Variants in ANTXR1 observed in about 807,000 individuals in gnomAD.
The protein encoded by ANTXR1 is ANTXR cell adhesion molecule 1.
In ANTXR1, 19 loss-of-function variants were observed where a neutral mutation model predicts 78.1. The ratio of observed to expected loss-of-function variants is 0.24; its 90% CI spans 0.17 to 0.36. The LOEUF (loss-of-function observed/expected upper bound fraction) is 0.36. Among genes scored for constraint, ANTXR1 ranks in the 10% least tolerant of loss-of-function variants. The pLI is 1.00. For synonymous variants in ANTXR1, 273 were observed against 260.5 expected, an observed-to-expected ratio of 1.05 and a Z score of -0.46; for missense variants, 518 against 718.6, an observed-to-expected ratio of 0.72 and a Z score of 3.19.
At position 69,102,749 on chromosome 2, in the gene ANTXR1, G is replaced by A; in HGVS notation, c.704-93G>A. On this transcript the variant is annotated intron_variant, in intron 9 of 17. Transcript: ENST00000303714. Reference sequence around the variant, plus strand: ...TTAATTTTTGAATATTTTAAGCCTGGTGAAATAGTGAACAAATGCTCTAAA... The same window carrying A: ...TTAATTTTTGAATATTTTAAGCCTGATGAAATAGTGAACAAATGCTCTAAA... 2.3e-6 allele frequency: 3 copies of A among 1,301,874 alleles called. No homozygotes were observed. The South Asian group carries it at 3.5e-5, about 15-fold the overall frequency. 80.6% of individuals were successfully genotyped at this position (1,301,874 alleles called of 1,614,324 possible).
chr2:69,062,867 A>G (rs1670288815), intron 3 of ANTXR1, among the ~76,000 whole-genome samples: 1 of 152,180 alleles, frequency 6.6e-6, no homozygotes, highest in South Asian at 2.1e-4. Flanking sequence ...GATATGGGTG[A>G]TCAGAAATTA....
Position 69,172,700 on chromosome 2 carries a change from C to G in ANTXR1, c.1089+2411C>G, listed in dbSNP as rs1404191584. 3 of 377,210 alleles carry G rather than the reference C, an allele frequency of 8.0e-6. No homozygotes were observed. The East Asian group carries it at 2.5e-4, about 31-fold the overall frequency. The allele number at this position is 377,210 out of a possible 1,614,324, so 23.4% of individuals were successfully genotyped here. Reference sequence around the variant, plus strand: ...AATGAAGATAACTTTATAATAAGCTCTCAGTGACCTTTTTAATAGAAAATA... The same window carrying G: ...AATGAAGATAACTTTATAATAAGCTGTCAGTGACCTTTTTAATAGAAAATA... On this transcript the variant is annotated intron_variant, in intron 14 of 17. Transcript: ENST00000303714.
chr2:69,021,379 A>C (rs1175043234), intron 1 of ANTXR1, among the ~76,000 whole-genome samples: 1 of 152,234 alleles, frequency 6.6e-6, no homozygotes, highest in Non-Finnish European at 1.5e-5. Flanking sequence ...ATGCTGTGAT[A>C]ACAAATAACC....
chr2:69,225,568 A>C (rs1675425569), intron 17 of ANTXR1, among the ~76,000 whole-genome samples: 1 of 152,210 alleles, frequency 6.6e-6, no homozygotes, highest in African/African-American at 2.4e-5. Flanking sequence ...AGTAGGAAGA[A>C]GACACCTCAA....
chr2:69,073,276 C>T (rs936467659), intron 6 of ANTXR1, among the ~76,000 whole-genome samples, 175 bp downstream of exon 6: 49 of 152,142 alleles, frequency 3.2e-4, no homozygotes, highest in African/African-American at 1.1e-3. Context: ...AGTGAATTTT[C>T]ATGTTTTACA....
intron 9 of ANTXR1, 133 bp downstream of exon 9, chr2:69,091,052 T>C (rs1173952456): frequency 3.5e-6 from 3 of 856,512 alleles, no homozygotes; most frequent in African/African-American, 1.7e-5. Context: ...GGAGCTGAAA[T>C]TGCTAACCAA....
chr2:69,074,853 A>G lies in ANTXR1; in HGVS notation c.493-737A>G, dbSNP rs559773642. Among the ~76,000 whole-genome samples, 4 of 152,318 alleles carry G rather than the reference A, an allele frequency of 2.6e-5. No individual in the cohort carries two copies. The South Asian group carries it at 6.2e-4, about 24-fold the overall frequency. On this transcript the variant is annotated intron_variant, in intron 6 of 17. Coordinates refer to ENST00000303714, the MANE Select transcript of ANTXR1 (RefSeq NM_032208.3). ...CCCACTGTAAGTGCCAAGGATTTTC[A>G]ATTTTTTTTCCATTCTGAAACACAG...
At chr2:69,102,644 C>A (rs1434500657) in intron 9 of ANTXR1, among the ~76,000 whole-genome samples, 198 bp from the exon 10 acceptor site, 3 of 152,156 alleles carry the variant, frequency 2.0e-5, no homozygotes, top group Admixed American at 6.5e-5. Flanking sequence ...AGTGATAGGC[C>A]CTTCTTGGGA....
At chr2:69,238,921 G>T (rs112588973) in intron 17 of ANTXR1, among the ~76,000 whole-genome samples, 2 of 152,242 alleles carry the variant, frequency 1.3e-5, no homozygotes, top group African/African-American at 4.8e-5. Flanking sequence ...TCCACGGAGC[G>T]TGCCTGATGC....
chr2:69,064,146 G>C (rs766030194), intron 3 of ANTXR1, among the ~76,000 whole-genome samples: 8 of 152,104 alleles, frequency 5.3e-5, no homozygotes, highest in Non-Finnish European at 1.2e-4. Flanking sequence ...ACTGGCTAAA[G>C]AAGCAAGATC....
intron 3 of ANTXR1, among the ~76,000 whole-genome samples, chr2:69,064,899 G>A (rs1272732430): frequency 6.6e-6 from 1 of 152,108 alleles, no homozygotes; most frequent in African/African-American, 2.4e-5. Context: ...TAGGGTAAAT[G>A]TATAGCTTTA....
chr2:69,092,070 G>C (rs896835546), intron 9 of ANTXR1, among the ~76,000 whole-genome samples: 1 of 152,238 alleles, frequency 6.6e-6, no homozygotes, highest in Non-Finnish European at 1.5e-5. Context: ...CCAGAAACTT[G>C]CATCTTTCAC....
At chr2:69,104,607 T>C (rs1412250724) in intron 10 of ANTXR1, among the ~76,000 whole-genome samples, 1 of 152,096 alleles carries the variant, frequency 6.6e-6, no homozygotes, top group Non-Finnish European at 1.5e-5. Flanking sequence ...TTAACCAAAA[T>C]CCCAAGTCTA....
intron 10 of ANTXR1, among the ~76,000 whole-genome samples, chr2:69,115,731 G>C (rs1672119096): frequency 6.6e-6 from 1 of 152,234 alleles, no homozygotes; most frequent in African/African-American, 2.4e-5. Flanking sequence ...AACTTACCTG[G>C]AATGTGTTGG....
At chr2:69,135,546 G>A (rs1672885807) in intron 12 of ANTXR1, among the ~76,000 whole-genome samples, 1 of 152,104 alleles carries the variant, frequency 6.6e-6, no homozygotes, top group Non-Finnish European at 1.5e-5. Context: ...ATAAAAGCAT[G>A]TGAAAAGTTT....
chr2:69,158,628 C>T (rs1251164296), intron 13 of ANTXR1, among the ~76,000 whole-genome samples: 3 of 152,202 alleles, frequency 2.0e-5, no homozygotes. Context: ...AGTACCCATA[C>T]AACCATTCTG....
chr2:69,205,656 C>T (rs2104491424), intron 17 of ANTXR1, among the ~76,000 whole-genome samples: 1 of 151,014 alleles, frequency 6.6e-6, no homozygotes, highest in East Asian at 1.9e-4. Context: ...TTTCCTTGTC[C>T]CAGGGAGTAT....
At chr2:69,091,265 C>T (rs894118527) in intron 9 of ANTXR1, among the ~76,000 whole-genome samples, 3 of 151,822 alleles carry the variant, frequency 2.0e-5, no homozygotes, top group Non-Finnish European at 4.4e-5. Flanking sequence ...CATGGTTAAA[C>T]CCCATCTCTA....
chr2:69,231,438 A>G (rs577036582), intron 17 of ANTXR1, among the ~76,000 whole-genome samples: 21 of 152,294 alleles, frequency 1.4e-4, no homozygotes, highest in African/African-American at 5.1e-4. Flanking sequence ...TCCAGAAAAA[A>G]AAAGGGAAAC....
Sources: allele counts gnomAD v4.1 joint callset (sites outside exome capture counted in the v4.1 genomes callset), GRCh38; gene constraint gnomAD v4.1.1; transcripts MANE v1.5; gene names NCBI Gene and HGNC (gene_info 2026-07-23, HGNC 2026-07-21).